PHKB: variants seen among roughly 807,000 people sequenced by gnomAD.
The protein encoded by PHKB is phosphorylase b kinase regulatory subunit beta.
A neutral mutation model predicts 152.1 loss-of-function variants in PHKB; 122 were observed. The ratio of observed to expected loss-of-function variants is 0.80; its 90% confidence interval spans 0.69 to 0.93. The LOEUF (loss-of-function observed/expected upper bound fraction) is 0.93. Ranked by LOEUF, PHKB falls within the 40% of genes least tolerant of loss-of-function variation. The pLI, the probability that PHKB is intolerant of heterozygous loss-of-function variation, is 0.00. For synonymous variants in PHKB, 436 were observed against 464.9 expected (o/e 0.94, Z 0.80); for missense variants, 1,304 against 1,328.4 (o/e 0.98, Z 0.29).
rs565054627 is a variant in PHKB, at chr16:47,653,259, G to A, written c.1971+2338G>A. Among the ~76,000 whole-genome samples, 8 of 152,286 alleles carry A rather than the reference G, an allele frequency of 5.3e-5. No homozygotes were observed. In the East Asian group the frequency reaches 1.5e-3, roughly 29 times the overall value. On this transcript the variant is annotated intron_variant, in intron 20 of 30. Coordinates refer to ENST00000323584, the MANE Select transcript of PHKB (RefSeq NM_000293.3). ...CCCACTGTGAAGTATGCAGTCTCCA[G>A]CCAAATCCACTGTTTAATCCTTGTA...
chr16:47,482,570 T>G (rs534985525), intron 1 of PHKB, among the ~76,000 whole-genome samples: 1 of 152,132 alleles, frequency 6.6e-6, no homozygotes, highest in Non-Finnish European at 1.5e-5. Flanking sequence ...TTCATCAAAG[T>G]GTAAATGAGA....
chr16:47,544,240 C>T (rs1971116756), intron 6 of PHKB, among the ~76,000 whole-genome samples: 1 of 152,168 alleles, frequency 6.6e-6, no homozygotes, highest in African/African-American at 2.4e-5. Context: ...TATAAATTTC[C>T]CTCTACATAC....
At chr16:47,671,294 AT>A (rs1973633767) in intron 26 of PHKB, among the ~76,000 whole-genome samples, 1 of 152,172 alleles carries the variant, frequency 6.6e-6, no homozygotes, top group African/African-American at 2.4e-5. Context: ...ATTCAGCACT[AT>A]GCTGTATTTA....
chr16:47,624,788 C>T lies in PHKB; in HGVS notation c.1458+13868C>T, dbSNP rs28446873. Among the ~76,000 whole-genome samples the T allele has an allele frequency of 4.2e-3, 637 of 152,332 alleles. 6 individuals carry two copies. The highest frequency in any genetic ancestry group is 0.015 in the African/African-American group (606 of 41,574). On this transcript the variant is annotated intron_variant, in intron 14 of 30. Coordinates refer to ENST00000323584, the MANE Select transcript of PHKB (RefSeq NM_000293.3). ...CAGCTTAGAAAAATGCTTGCACCATCTTCATGTCCTCAGTTCTCAGTCACT... is the reference window on the plus strand; with the variant it reads ...CAGCTTAGAAAAATGCTTGCACCATTTTCATGTCCTCAGTTCTCAGTCACT...
chr16:47,587,552 C>T (rs1167433726), intron 8 of PHKB, 116 bp from the exon 9 acceptor site: 10 of 702,546 alleles, frequency 1.4e-5, no homozygotes, highest in Non-Finnish European at 2.3e-5. Context: ...TCTGGAACTC[C>T]ACACTCAAGA....
At chr16:47,575,285 A>G (rs953801293) in intron 7 of PHKB, among the ~76,000 whole-genome samples, 1 of 152,232 alleles carries the variant, frequency 6.6e-6, no homozygotes, top group African/African-American at 2.4e-5. Context: ...TATGGAAAAC[A>G]GTATGGAGGT....
In PHKB at chr16:47,518,591, G is replaced by A. The variant is rs79497123; in HGVS notation, c.594+2990G>A. On this transcript the variant is annotated intron_variant, in intron 6 of 30. Coordinates refer to ENST00000323584, the MANE Select transcript of PHKB (RefSeq NM_000293.3). Reference sequence around the variant, plus strand: ...AACATCTTTCGTTGCCTACACAGGCGTACCATGTTTCCTTGGTATCAGTAT... The same window carrying A: ...AACATCTTTCGTTGCCTACACAGGCATACCATGTTTCCTTGGTATCAGTAT... Among the ~76,000 whole-genome samples, 1,084 of 152,248 alleles carry A rather than the reference G, an allele frequency of 7.1e-3. 16 individuals are homozygous for A. The highest frequency in any genetic ancestry group is 0.025 in the African/African-American group (1,037 of 41,554).
chr16:47,654,615 T>C (rs1057265357), intron 20 of PHKB, among the ~76,000 whole-genome samples: 2 of 152,028 alleles, frequency 1.3e-5, no homozygotes, highest in African/African-American at 4.8e-5. Flanking sequence ...TGGAATACTA[T>C]GCAGCCATAA....
chr16:47,654,517 A>G (rs989570969), intron 20 of PHKB, among the ~76,000 whole-genome samples: 3 of 152,156 alleles, frequency 2.0e-5, no homozygotes, highest in South Asian at 2.1e-4. Flanking sequence ...GTTTATTGCG[A>G]CACTATTCAC....
intron 30 of PHKB, 134 bp from the exon 31 acceptor site, chr16:47,699,095 G>A: frequency 4.9e-6 from 4 of 812,298 alleles, no homozygotes; most frequent in Non-Finnish European, 6.3e-6. Context: ...TGAAAGAAAA[G>A]CTCAGGAATC....
At chr16:47,543,028 C>T (rs898063988) in intron 6 of PHKB, among the ~76,000 whole-genome samples, 3 of 152,148 alleles carry the variant, frequency 2.0e-5, no homozygotes, top group Admixed American at 6.5e-5. Flanking sequence ...CCCGAACTTC[C>T]AACATTATGT....
At chr16:47,464,063 A>G (rs1969623982) in intron 1 of PHKB, 3 of 966,840 alleles carry the variant, frequency 3.1e-6, no homozygotes, top group African/African-American at 1.6e-5. Context: ...GGTTGATTTC[A>G]CTATAAGATA....
chr16:47,488,161 G>T (rs971582198), intron 1 of PHKB, among the ~76,000 whole-genome samples: 1 of 152,032 alleles, frequency 6.6e-6, no homozygotes, highest in Non-Finnish European at 1.5e-5. Context: ...ATCTCATTGT[G>T]GTTCTGAATT....
rs981504756 is a variant in PHKB, at chr16:47,609,078, T to C, written c.1364-1748T>C. On this transcript the variant is annotated intron_variant, in intron 13 of 30. Coordinates refer to ENST00000323584, the MANE Select transcript of PHKB (RefSeq NM_000293.3). ...CTTTATTAGGTTGAATACATTTTCT[T>C]CTGTTCCTACTTTGTTGAATGCTTT... 2.0e-5 allele frequency among the ~76,000 whole-genome samples: 3 copies of C among 152,202 alleles called. No homozygotes were observed. In the South Asian group the frequency reaches 6.2e-4, roughly 32 times the overall value.
Position 47,503,035 on chromosome 16 carries a change from C to T in PHKB, c.350C>T (p.Ser117Leu). ...GGAAGGACCCATGAGCTGGAGCACT[C>T]AGCTATAAAATGCATGAGAGGAATT... ...DKGRTHELEH[S>L]AIKCMRGILY... The change falls in exon 4 of 31, where the codon TCA (serine) becomes TTA (leucine). Residue 117 changes from serine (S) to leucine (L), a missense_variant. By Grantham distance (145) the Ser-to-Leu change is moderately radical (BLOSUM62 -2). Coordinates refer to ENST00000323584, the MANE Select transcript of PHKB (RefSeq NM_000293.3). 1 of 1,613,756 alleles carries T rather than the reference C, an allele frequency of 6.2e-7. No individual in the cohort carries two copies. The highest frequency in any genetic ancestry group is 8.5e-7 in the Non-Finnish European group (1 of 1,179,640).
chr16:47,624,092 C>T (rs567106134), intron 14 of PHKB, among the ~76,000 whole-genome samples: 13 of 152,204 alleles, frequency 8.5e-5, no homozygotes, highest in South Asian at 6.2e-4. Context: ...ATAAACTTTA[C>T]GAATCTCCAT....
intron 7 of PHKB, chr16:47,561,449 A>G (rs562681275): frequency 3.9e-5 from 6 of 152,352 alleles, no homozygotes; most frequent in South Asian, 2.1e-4. Flanking sequence ...GCGGTTTTCA[A>G]TGAGAAATTG....
At chr16:47,586,539 A>T (rs1210162465) in intron 8 of PHKB, among the ~76,000 whole-genome samples, 1 of 152,212 alleles carries the variant, frequency 6.6e-6, no homozygotes, top group Non-Finnish European at 1.5e-5. Flanking sequence ...ATGGGCTACT[A>T]GGAAAAAAAT....
intron 5 of PHKB, 74 bp downstream of exon 5, chr16:47,511,846 C>T (rs1451124345): frequency 2.0e-6 from 2 of 998,724 alleles, no homozygotes; most frequent in African/African-American, 3.2e-5. Context: ...CTTTTTGGCA[C>T]CAGGGACTAG....
Sources: gnomAD v4.1 joint callset for allele counts (sites outside exome capture counted in the v4.1 genomes callset) on GRCh38, gnomAD v4.1.1 for gene constraint, MANE v1.5 for transcripts, NCBI Gene and HGNC (gene_info 2026-07-23, HGNC 2026-07-21) for gene names.